CTIF: variants seen among roughly 807,000 people sequenced by gnomAD.
CTIF encodes CBP80/20-dependent translation initiation factor.
In CTIF, 21 loss-of-function variants were observed where a neutral mutation model predicts 66.0. The ratio of observed to expected loss-of-function variants is 0.32; its 90% confidence interval spans 0.23 to 0.46. CTIF has a LOEUF of 0.46. CTIF is among the 20% of genes least tolerant of loss of function. The pLI, the probability that CTIF is intolerant of heterozygous loss-of-function variation, is 1.00. For synonymous variants in CTIF, 345 were observed against 326.4 expected, an observed-to-expected ratio of 1.06 and a Z score of -0.62; for missense variants, 739 against 812.7, an observed-to-expected ratio of 0.91 and a Z score of 1.10.
chr18:48,796,495 T>C (rs1431247903), intron 9 of CTIF, among the ~76,000 whole-genome samples: 1 of 152,094 alleles, frequency 6.6e-6, no homozygotes, highest in African/African-American at 2.4e-5. Flanking sequence ...AGTTTTGAAG[T>C]TGGCTAACAT....
chr18:48,653,485 C>T (rs1016164995), intron 3 of CTIF, among the ~76,000 whole-genome samples: 1 of 152,150 alleles, frequency 6.6e-6, no homozygotes, highest in Non-Finnish European at 1.5e-5. Flanking sequence ...AGGACACAAA[C>T]AAATGGAAGA....
At chr18:48,786,402 G>C (rs906322081) in intron 9 of CTIF, among the ~76,000 whole-genome samples, 1 of 152,160 alleles carries the variant, frequency 6.6e-6, no homozygotes. Context: ...TCCTGCCTAG[G>C]TTCAAATCCC....
chr18:48,541,936 A>G (rs921217294), intron 1 of CTIF, among the ~76,000 whole-genome samples: 1 of 152,000 alleles, frequency 6.6e-6, no homozygotes, highest in East Asian at 1.9e-4. Flanking sequence ...TGAGGCTCAA[A>G]AATGTGGCTT....
chr18:48,670,549 G>C, intron 5 of CTIF, 120 bp from the exon 6 acceptor site: 1 of 859,074 alleles, frequency 1.2e-6, no homozygotes, highest in African/African-American at 1.6e-5. Context: ...AGCCCCTGCA[G>C]GGCTTGAGGG....
Position 48,761,506 on chromosome 18 carries a change from C to T in CTIF, c.1188C>T (p.Phe396=), listed in dbSNP as rs756915974. Residue 396 remains phenylalanine (F), a synonymous_variant, in exon 9 of 12, where the codon TTC becomes TTT. Coordinates refer to ENST00000256413, the MANE Select transcript of CTIF (RefSeq NM_014772.3). The surrounding 1 kb of genome is among the most constrained non-coding windows in gnomAD (Gnocchi z 4.2). ...ACGTGGACACCAAGCTCACCACCTT[C>T]ATGGAGGAGGCCCAGAACTCCACCA... is the stretch of plus-strand genomic sequence containing the variant. ...SSDVDTKLTT[F]MEEAQNSTNS... The T allele has an allele frequency of 1.9e-6, 3 of 1,614,202 alleles. No individual in the cohort carries two copies. The South Asian group carries it at 3.3e-5, about 18-fold the overall frequency.
intron 3 of CTIF, among the ~76,000 whole-genome samples, chr18:48,659,525 C>G: frequency 6.6e-6 from 1 of 152,228 alleles, no homozygotes; most frequent in East Asian, 1.9e-4. Context: ...TGGAGCTGTG[C>G]AAAGATGGGG....
chr18:48,857,203 C>G, intron 10 of CTIF, among the ~76,000 whole-genome samples: 1 of 152,360 alleles, frequency 6.6e-6, no homozygotes, highest in Middle Eastern at 3.4e-3. Flanking sequence ...ACCAATTATA[C>G]GTCTCTAAGC....
At chr18:48,604,521 G>A (rs2090168643) in intron 1 of CTIF, among the ~76,000 whole-genome samples, 1 of 152,122 alleles carries the variant, frequency 6.6e-6, no homozygotes, top group African/African-American at 2.4e-5. Context: ...TTTGGTCCTA[G>A]ATGATTCTAA....
chr18:48,619,845 G>T (rs550202741), intron 2 of CTIF, 100 bp downstream of exon 2: 19 of 1,211,040 alleles, frequency 1.6e-5, no homozygotes, highest in Non-Finnish European at 2.0e-5. Context: ...ACACTAGACC[G>T]CCAAGGCATG....
At position 48,817,324 on chromosome 18, in the gene CTIF, C is replaced by T; in HGVS notation, c.1475C>T (p.Thr492Ile). ...GTCTTCGGCACCATGCGCAGCAGCA[C>T]AGGCGAGCCCTTCCGTGTGCTCGTG... The part of the protein sequence containing the change: ...CEVFGTMRSS[T>I]GEPFRVLVCP... The change falls in exon 10 of 12, where the codon ACA (threonine) becomes ATA (isoleucine). Residue 492 changes from threonine (T) to isoleucine (I), a missense_variant. By Grantham distance (89) the Thr-to-Ile change is moderately conservative. Transcript: ENST00000256413. 6.2e-7 allele frequency: 1 copy of T among 1,613,950 alleles called. No homozygotes were observed. Among genetic ancestry groups the T allele is most frequent in the Non-Finnish European group, 8.5e-7 (1 of 1,180,024 alleles).
At chr18:48,834,783 T>G (rs1307056439) in intron 10 of CTIF, 1 of 152,688 alleles carries the variant, frequency 6.5e-6, no homozygotes, top group Non-Finnish European at 1.5e-5. Flanking sequence ...CGATCTGCCC[T>G]GCCAGCTCAC....
intron 3 of CTIF, among the ~76,000 whole-genome samples, chr18:48,644,570 C>G (rs906747375): frequency 2.0e-5 from 3 of 152,220 alleles, no homozygotes; most frequent in Non-Finnish European, 4.4e-5. Flanking sequence ...CTTGGAGGAA[C>G]AGGATGCCAC....
intron 1 of CTIF, among the ~76,000 whole-genome samples, chr18:48,596,770 A>C (rs6507855): frequency 0.36 from 54,757 of 151,800 alleles, 11,250 homozygotes; most frequent in African/African-American, 0.58. Context: ...GCCACCGCAC[A>C]TGTCTGGAAT....
chr18:48,859,507 C>T lies in CTIF; in HGVS notation c.1745C>T (p.Thr582Met), dbSNP rs371787623. Residue 582 changes from threonine to methionine, a missense_variant, in exon 12 of 12, where the codon ACG becomes ATG. By Grantham distance (81) the Thr-to-Met change is moderately conservative. Coordinates refer to ENST00000256413, the MANE Select transcript of CTIF (RefSeq NM_014772.3). ...CACGCTAACAGCTGGAACCCTCTGA[C>T]GCCCCCCATCACGCAGTACTACAAC... ...ELHANSWNPL[T>M]PPITQYYNRT... The T allele has an allele frequency of 8.1e-6, 13 of 1,614,202 alleles. No individual in the cohort carries two copies. The highest frequency in any genetic ancestry group is 6.7e-5 in the African/African-American group (5 of 75,060).
chr18:48,728,739 T>TGAGAGA (rs138125305), intron 7 of CTIF, among the ~76,000 whole-genome samples: 24,602 of 139,026 alleles, frequency 0.18, 3,186 homozygotes, highest in African/African-American at 0.38. Flanking sequence ...AGGGGGAGAG[T>TGAGAGA]GAGAGAGAGA....
rs957618403 is a variant in CTIF, at chr18:48,860,198, G to A, written c.*639G>A. On this transcript the variant is annotated 3_prime_UTR_variant, in exon 12 of 12. Transcript: ENST00000256413. ...GCCCCCACAGCCTCAGGCCTAGGGG[G>A]TCAGGCGCAGCGGGGGAGATGGAGT... The A allele has an allele frequency of 5.9e-6, 2 of 341,008 alleles. No individual in the cohort carries two copies. Among genetic ancestry groups the A allele is most frequent in the Admixed American group, 7.7e-5 (2 of 26,090 alleles). The allele number at this position is 341,008 out of a possible 1,614,324, so 21.1% of individuals were successfully genotyped here.
In CTIF at chr18:48,834,374, C is replaced by A. The variant is rs185540792; in HGVS notation, c.1527+16998C>A. On this transcript the variant is annotated intron_variant, in intron 10 of 11. Coordinates refer to ENST00000256413, the MANE Select transcript of CTIF (RefSeq NM_014772.3). ...CACAAAATATTCTTTGATTTTTTTCCCCAACTACTGAAAAATGGAAAAAAC... is the reference window on the plus strand; with the variant it reads ...CACAAAATATTCTTTGATTTTTTTCACCAACTACTGAAAAATGGAAAAAAC... Among the ~76,000 whole-genome samples the A allele has an allele frequency of 2.5e-3, 385 of 152,130 alleles. 1 individual carries two copies. Among genetic ancestry groups the A allele is most frequent in the African/African-American group, 8.5e-3 (353 of 41,490 alleles).
intron 5 of CTIF, among the ~76,000 whole-genome samples, chr18:48,668,853 G>T (rs1454908142): frequency 6.6e-6 from 1 of 151,848 alleles, no homozygotes; most frequent in African/African-American, 2.4e-5. Context: ...ACTGTGGGGG[G>T]TGATTATCCC....
chr18:48,729,562 C>T (rs1161552295), intron 7 of CTIF, among the ~76,000 whole-genome samples: 5 of 152,178 alleles, frequency 3.3e-5, no homozygotes, highest in Admixed American at 6.5e-5. Context: ...GTGAGATCAG[C>T]GAGACTCAGA....
Sources: gnomAD v4.1 joint callset for allele counts (sites outside exome capture counted in the v4.1 genomes callset) on GRCh38, gnomAD v4.1.1 for gene constraint, Gnocchi (gnomAD v3.1) non-coding constraint, MANE v1.5 for transcripts, NCBI Gene and HGNC (gene_info 2026-07-23, HGNC 2026-07-21) for gene names.